ADAM32: variants seen among roughly 807,000 people sequenced by gnomAD.
The protein encoded by ADAM32 is ADAM metallopeptidase domain 32, also known as disintegrin and metalloproteinase domain-containing protein 32.
A neutral mutation model predicts 114.9 loss-of-function variants in ADAM32; 89 were observed. That is an observed-to-expected ratio of 0.77 (90% CI 0.65 to 0.92). The LOEUF (loss-of-function observed/expected upper bound fraction) is 0.92, where lower values mean the gene tolerates loss of function less well. ADAM32 is among the 40% of genes least tolerant of loss of function. The pLI, the probability that ADAM32 is intolerant of heterozygous loss-of-function variation, is 0.00. For synonymous variants in ADAM32, 285 were observed against 307.5 expected (o/e 0.93, Z 0.77); for missense variants, 870 against 932.8 (o/e 0.93, Z 0.88).
intron 5 of ADAM32, among the ~76,000 whole-genome samples, chr8:39,150,483 A>T (rs1270516787): frequency 3.3e-5 from 5 of 152,196 alleles, no homozygotes; most frequent in Admixed American, 2.6e-4. Flanking sequence ...GAGGCAAATT[A>T]TATAAAAACA....
intron 6 of ADAM32, among the ~76,000 whole-genome samples, chr8:39,153,856 C>T (rs977427697): frequency 8.5e-5 from 13 of 152,138 alleles, no homozygotes; most frequent in Middle Eastern, 3.4e-3. Flanking sequence ...GTGATAATTA[C>T]TACAATAAAG....
At chr8:39,204,837 C>T (rs1489525036) in intron 11 of ADAM32, among the ~76,000 whole-genome samples, 1 of 152,210 alleles carries the variant, frequency 6.6e-6, no homozygotes, top group African/African-American at 2.4e-5. Flanking sequence ...TGTTAGTTTT[C>T]CTTCTAGCAG....
intron 1 of ADAM32, among the ~76,000 whole-genome samples, chr8:39,112,910 G>A (rs1407178077): frequency 6.6e-6 from 1 of 152,182 alleles, no homozygotes; most frequent in African/African-American, 2.4e-5. Context: ...GATGACAATG[G>A]CCTTAACACT....
intron 12 of ADAM32, among the ~76,000 whole-genome samples, chr8:39,214,882 G>A (rs1419998293): frequency 2.6e-5 from 4 of 151,720 alleles, no homozygotes; most frequent in African/African-American, 9.7e-5. Context: ...GAGAGGGAGG[G>A]GTCTAGTTTC....
At chr8:39,164,916 T>A in intron 8 of ADAM32, 81 bp downstream of exon 8, 2 of 1,503,318 alleles carry the variant, frequency 1.3e-6, no homozygotes, top group Non-Finnish European at 1.8e-6. Context: ...TATTCCTGGA[T>A]AATTAACCCA....
rs1261248934 is a variant in ADAM32, at chr8:39,223,118, C to T, written c.1405C>T (p.Pro469Ser). 1 of 1,593,862 alleles carries T rather than the reference C, an allele frequency of 6.3e-7. No individual in the cohort carries two copies. The highest frequency in any genetic ancestry group is 8.5e-7 in the Non-Finnish European group (1 of 1,170,680). Residue 469 changes from proline (P) to serine (S), a missense_variant, in exon 14 of 25, where the codon CCA becomes TCA. Pro to Ser is a moderately conservative substitution (Grantham distance 74, BLOSUM62 -1). Coordinates refer to ENST00000379907, the MANE Select transcript of ADAM32 (RefSeq NM_145004.7). Reference sequence around the variant, plus strand: ...CGCTGAAAATTGTAATGGAACCTCACCAGAATGTGGTCCTGACATAACTTT... The same window carrying T: ...CGCTGAAAATTGTAATGGAACCTCATCAGAATGTGGTCCTGACATAACTTT... ...DIAENCNGTS[P>S]ECGPDITLIN...
At chr8:39,208,052 G>T (rs1226773999) in intron 11 of ADAM32, among the ~76,000 whole-genome samples, 2 of 152,040 alleles carry the variant, frequency 1.3e-5, no homozygotes, top group Admixed American at 1.3e-4. Flanking sequence ...AAATATCTCT[G>T]TGACATTCTG....
chr8:39,113,937 G>C (rs1840268907), intron 1 of ADAM32, among the ~76,000 whole-genome samples: 1 of 152,174 alleles, frequency 6.6e-6, no homozygotes, highest in Non-Finnish European at 1.5e-5. Flanking sequence ...GTCAATAACT[G>C]CATATTAGGT....
At chr8:39,124,915 A>G (rs1802021751) in intron 2 of ADAM32, among the ~76,000 whole-genome samples, 2 of 152,196 alleles carry the variant, frequency 1.3e-5, no homozygotes. Context: ...TCTTTGAGGA[A>G]TTGCCACACT....
intron 16 of ADAM32, among the ~76,000 whole-genome samples, chr8:39,244,641 T>C (rs145541872): frequency 0.054 from 8,175 of 152,028 alleles, 753 homozygotes; most frequent in African/African-American, 0.19. Context: ...CTTATACAAA[T>C]ATCAACTCAA....
At chr8:39,169,316 G>C (rs552972550) in intron 9 of ADAM32, 1 of 152,258 alleles carries the variant, frequency 6.6e-6, no homozygotes, top group Non-Finnish European at 1.5e-5. Flanking sequence ...GCTACCTTGA[G>C]AGAGTTACTT....
rs200539970 is a variant in ADAM32, at chr8:39,161,997, ATT to A, written c.594+1035_594+1036del. On this transcript the variant is annotated intron_variant, in intron 7 of 24. Coordinates refer to ENST00000379907, the MANE Select transcript of ADAM32 (RefSeq NM_145004.7). The stretch of plus-strand genomic sequence containing the variant: ...ATTGCCAGGTTTTCTTTTTTATTTT[ATT>A]TTATATATATATATATATATATTTA... Among the ~76,000 whole-genome samples the A allele has an allele frequency of 0.01, 252 of 24,844 alleles. 1 individual carries two copies. The East Asian group carries it at 0.18, about 17-fold the overall frequency. The allele number at this position is 24,844 out of a possible 152,430, so 16.3% of individuals were successfully genotyped here.
intron 1 of ADAM32, among the ~76,000 whole-genome samples, chr8:39,109,720 A>C (rs919186292): frequency 6.6e-6 from 1 of 152,192 alleles, no homozygotes; most frequent in Admixed American, 6.6e-5. Flanking sequence ...AATTGAGCCT[A>C]CACTGACACA....
intron 1 of ADAM32, among the ~76,000 whole-genome samples, chr8:39,112,443 A>G (rs1198123303): frequency 6.6e-6 from 1 of 152,138 alleles, no homozygotes; most frequent in Non-Finnish European, 1.5e-5. Flanking sequence ...TGTTTTCCGT[A>G]TTAAGGCTTC....
chr8:39,133,350 T>A (rs1279122572), intron 2 of ADAM32, among the ~76,000 whole-genome samples: 1 of 152,236 alleles, frequency 6.6e-6, no homozygotes, highest in Non-Finnish European at 1.5e-5. Context: ...TGTGCAGAGA[T>A]GTAATATCTA....
intron 18 of ADAM32, 67 bp from the exon 19 acceptor site, chr8:39,257,120 G>A: frequency 1.4e-6 from 2 of 1,382,820 alleles, no homozygotes; most frequent in African/African-American, 1.5e-5. Context: ...TGAATGTGTT[G>A]CAACTTGAAA....
rs1267700985 is a variant in ADAM32 at position 39,169,896 on chromosome 8, A to G, written c.834-20A>G. 6.8e-7 allele frequency: 1 copy of G among 1,479,994 alleles called. No individual in the cohort carries two copies. Among genetic ancestry groups the G allele is most frequent in the East Asian group, 2.3e-5 (1 of 43,406 alleles). 91.7% of individuals were successfully genotyped at this position (1,479,994 alleles called of 1,614,324 possible). On this transcript the variant is annotated intron_variant, in intron 9 of 24. Coordinates refer to ENST00000379907, the MANE Select transcript of ADAM32 (RefSeq NM_145004.7). ...AATTGTCTGTTAAAATCAATTATAA[A>G]TGTAAATTTATTTATTTAGTTATAT...
Position 39,111,483 on chromosome 8 carries a change from C to G in ADAM32, c.58+3650C>G, listed in dbSNP as rs180820240. Among the ~76,000 whole-genome samples the G allele has an allele frequency of 3.0e-3, 461 of 152,142 alleles. 2 individuals carry two copies. Among genetic ancestry groups the G allele is most frequent in the African/African-American group, 0.01 (420 of 41,512 alleles). On this transcript the variant is annotated intron_variant, in intron 1 of 24. Transcript: ENST00000379907. ...GGGAATGGTGGCTTATGCTTGTAAT[C>G]CCAGCACTTTGGGAGGCCAAGGTGG...
At chr8:39,270,082 C>T (rs541809669) in intron 19 of ADAM32, among the ~76,000 whole-genome samples, 2 of 152,308 alleles carry the variant, frequency 1.3e-5, no homozygotes, top group Admixed American at 6.5e-5. Flanking sequence ...TCAATTACTT[C>T]CACCTGGTCT....
Sources: gnomAD v4.1 joint callset for allele counts (sites outside exome capture counted in the v4.1 genomes callset) on GRCh38, gnomAD v4.1.1 for gene constraint, MANE v1.5 for transcripts, NCBI Gene and HGNC (gene_info 2026-07-23, HGNC 2026-07-21) for gene names.